MRC2: variants seen among roughly 807,000 people sequenced by gnomAD.
MRC2 encodes the protein C-type mannose receptor 2.
Under a neutral mutation model 206.2 loss-of-function variants are expected in MRC2, and 84 were observed. That is an observed-to-expected ratio of 0.41 (90% CI 0.34 to 0.49). The LOEUF is 0.49. Ranked by LOEUF, MRC2 falls within the 20% of genes least tolerant of loss-of-function variation. The pLI is 0.31. For synonymous variants in MRC2, 798 were observed against 800.0 expected, an observed-to-expected ratio of 1.00 and a Z score of 0.04; for missense variants, 1,676 against 2,001.5, an observed-to-expected ratio of 0.84 and a Z score of 3.10.
At chr17:62,685,649 C>T (rs540179411) in intron 20 of MRC2, among the ~76,000 whole-genome samples, 2 of 152,276 alleles carry the variant, frequency 1.3e-5, no homozygotes, top group Non-Finnish European at 2.9e-5. Flanking sequence ...AAGTGATCCT[C>T]CTGCCTCAGC....
Position 62,645,525 on chromosome 17 carries a change from ATATTTTTTTTTTTTTT to A in MRC2, c.118+17607_118+17622del, listed in dbSNP as rs1409272018. The stretch of plus-strand genomic sequence containing the variant: ...TATATATATATATATATATATATAT[ATATTTTTTTTTTTTTT>A]TTTTTTTTTTGAGATGGAGTCTTGC... On this transcript the variant is annotated intron_variant, in intron 1 of 29. Coordinates refer to ENST00000303375, the MANE Select transcript of MRC2 (RefSeq NM_006039.5). 2.9e-4 allele frequency among the ~76,000 whole-genome samples: 11 copies of A among 38,570 alleles called. 1 individual carries two copies. The highest frequency in any genetic ancestry group is 9.2e-4 in the African/African-American group (10 of 10,858). 25.3% of individuals were successfully genotyped at this position (38,570 alleles called of 152,430 possible).
Position 62,680,576 on chromosome 17 carries a change from C to A in MRC2, c.2473+123C>A. 5 of 1,436,452 alleles carry A rather than the reference C, an allele frequency of 3.5e-6. No homozygotes were observed. The highest frequency in any genetic ancestry group is 4.8e-6 in the Non-Finnish European group (5 of 1,044,154). The allele number at this position is 1,436,452 out of a possible 1,614,324, so 89.0% of individuals were successfully genotyped here. ...GGAGTTCCGGTCGAGAGAAGGGGGA[C>A]GGGGTTGGCTCGGACGGAGGCAGCC... On this transcript the variant is annotated intron_variant, in intron 16 of 29. Transcript: ENST00000303375. This position sits in a 1 kb window ranked among gnomAD's most constrained non-coding sequence, Gnocchi z 4.8.
At position 62,692,537 on chromosome 17, in the gene MRC2, C is replaced by A; in HGVS notation, c.*86C>A. 1 of 1,366,376 alleles carries A rather than the reference C, an allele frequency of 7.3e-7. No individual in the cohort carries two copies. The highest frequency in any genetic ancestry group is 1.0e-6 in the Non-Finnish European group (1 of 1,003,086). 84.6% of individuals were successfully genotyped at this position (1,366,376 alleles called of 1,614,324 possible). On this transcript the variant is annotated 3_prime_UTR_variant, in exon 30 of 30. Transcript: ENST00000303375. This position sits in a 1 kb window ranked among gnomAD's most constrained non-coding sequence, Gnocchi z 4.2. ...TCTGGCCCCCCACCAGCTGCCTGTC[C>A]AGTTGGCCTATGGAAGGGTGCCCTT...
chr17:62,680,028 G>C lies in MRC2; in HGVS notation c.2298+126G>C, dbSNP rs1379598915. The C allele has an allele frequency of 7.3e-6, 11 of 1,499,890 alleles. No homozygotes were observed. The highest frequency in any genetic ancestry group is 9.9e-6 in the Non-Finnish European group (11 of 1,105,796). The allele number at this position is 1,499,890 out of a possible 1,614,324, so 92.9% of individuals were successfully genotyped here. ...GGGCCCCCAGTCGGAGCCGGCTTCA[G>C]GAAAGCAGGTCCGAGAGGGGTCACC... On this transcript the variant is annotated intron_variant, in intron 14 of 29. Transcript: ENST00000303375. This position sits in a 1 kb window ranked among gnomAD's most constrained non-coding sequence, Gnocchi z 4.8.
Position 62,678,695 on chromosome 17 carries a change from G to A in MRC2, c.2195+49G>A, listed in dbSNP as rs200976401. The stretch of plus-strand genomic sequence containing the variant: ...TTAGGAGGGCACCCGCACACGTGTA[G>A]GAGCAGGCATGGCCGACAGACCCTT... On this transcript the variant is annotated intron_variant, in intron 13 of 29. Transcript: ENST00000303375. The A allele has an allele frequency of 5.7e-6, 9 of 1,582,032 alleles. No homozygotes were observed. The African/African-American group carries it at 9.7e-5, about 17-fold the overall frequency.
In MRC2 at chr17:62,680,740, C is replaced by A; in HGVS notation, c.2474-60C>A. 2.8e-6 allele frequency: 4 copies of A among 1,434,668 alleles called. No homozygotes were observed. Among genetic ancestry groups the A allele is most frequent in the Non-Finnish European group, 3.6e-6 (4 of 1,098,704 alleles). 88.9% of individuals were successfully genotyped at this position (1,434,668 alleles called of 1,614,324 possible). A position where few individuals can be genotyped will look rare whatever the true frequency, so the allele number is the denominator to read the frequency against. The stretch of plus-strand genomic sequence containing the variant: ...GCCCCGGCCCTGCCGCGCCCGCCTC[C>A]GGGGCCTGGCGTGCAGCCTCTGCCT... On this transcript the variant is annotated intron_variant, in intron 16 of 29. Transcript: ENST00000303375. This position sits in a 1 kb window ranked among gnomAD's most constrained non-coding sequence, Gnocchi z 4.8.
intron 1 of MRC2, among the ~76,000 whole-genome samples, chr17:62,636,461 A>ATTTTTTTTTTTTTTTTTTTTTTTTTT (rs60774612): frequency 1.3e-5 from 1 of 76,934 alleles, no homozygotes; most frequent in Non-Finnish European, 2.4e-5. Flanking sequence ...TAATCTTCTG[A>ATTTTTTTTTTTTTTTTTTTTTTTTTT]TTTTTTTTTT....
At chr17:62,631,910 TG>T (rs1384037421) in intron 1 of MRC2, among the ~76,000 whole-genome samples, 3 of 152,168 alleles carry the variant, frequency 2.0e-5, no homozygotes, top group Non-Finnish European at 4.4e-5. Flanking sequence ...GAGATGGCCA[TG>T]GCCTATTCTT....
chr17:62,641,876 C>T (rs1246619296), intron 1 of MRC2, among the ~76,000 whole-genome samples: 2 of 144,814 alleles, frequency 1.4e-5, no homozygotes, highest in Non-Finnish European at 3.0e-5. Flanking sequence ...CATTTTGCCA[C>T]ATTTGCTTAT....
At chr17:62,656,292 G>T (rs373614930) in intron 1 of MRC2, among the ~76,000 whole-genome samples, 1 of 151,896 alleles carries the variant, frequency 6.6e-6, no homozygotes, top group Non-Finnish European at 1.5e-5. Context: ...TGATTCACCC[G>T]CCTCGGCCTC....
At chr17:62,674,437 A>G (rs1463198364) in intron 9 of MRC2, among the ~76,000 whole-genome samples, 1 of 151,922 alleles carries the variant, frequency 6.6e-6, no homozygotes, top group East Asian at 1.9e-4. Context: ...TCCTCGAGAC[A>G]GCAGAGAACA....
Position 62,667,632 on chromosome 17 carries a change from C to A in MRC2, c.1117+99C>A, listed in dbSNP as rs1261200742. 57 of 1,359,544 alleles carry A rather than the reference C, an allele frequency of 4.2e-5. No individual in the cohort carries two copies. In the East Asian group the frequency reaches 1.5e-3, roughly 35 times the overall value. 84.2% of individuals were successfully genotyped at this position (1,359,544 alleles called of 1,614,324 possible). A position where few individuals can be genotyped will look rare whatever the true frequency, so the allele number is the denominator to read the frequency against. On this transcript the variant is annotated intron_variant, in intron 6 of 29. Transcript: ENST00000303375. This position sits in a 1 kb window ranked among gnomAD's most constrained non-coding sequence, Gnocchi z 4.1. ...GCCCAGCCTCTCCTCCGGTTACCAC[C>A]ACAGCACAAGGGGACTCTGGATCCT...
chr17:62,630,106 AG>A (rs2084204879), intron 1 of MRC2, among the ~76,000 whole-genome samples: 1 of 152,306 alleles, frequency 6.6e-6, no homozygotes, highest in East Asian at 1.9e-4. Context: ...CCTTGAGCCA[AG>A]TTCTTGGGGA....
intron 1 of MRC2, among the ~76,000 whole-genome samples, chr17:62,651,543 A>G (rs1484909648): frequency 6.6e-6 from 1 of 152,090 alleles, no homozygotes; most frequent in Non-Finnish European, 1.5e-5. Context: ...TACTTGAAAG[A>G]CCATTACCAA....
At position 62,688,390 on chromosome 17, in the gene MRC2, C is replaced by G. The variant is rs761693365; in HGVS notation, c.3048C>G (p.Asn1016Lys). 6.2e-7 allele frequency: 1 copy of G among 1,614,238 alleles called. No homozygotes were observed. Among genetic ancestry groups the G allele is most frequent in the Admixed American group, 1.7e-5 (1 of 60,034 alleles). The change falls in exon 21 of 30, where the codon AAC becomes AAG. Residue 1016 changes from asparagine to lysine, a missense_variant. Transcript: ENST00000303375. Reference protein sequence around the residue: ...QQEAQLVTITNPLEQAFITAS... With the variant: ...QQEAQLVTITKPLEQAFITAS... ...AGGCCCAGCTGGTCACCATCACAAA[C>G]CCCTTAGAGCAAGGTAGGGCCAGCC...
chr17:62,692,829 C>G lies in MRC2; in HGVS notation c.*378C>G, dbSNP rs897935866. On this transcript the variant is annotated 3_prime_UTR_variant, in exon 30 of 30. Transcript: ENST00000303375. The surrounding 1 kb of genome is among the most constrained non-coding windows in gnomAD (Gnocchi z 4.2). Reference sequence around the variant, plus strand: ...CCCCTTCTTTGCAGAGCCCGAGGAGCCTCCCCTGTCCCCTCGGGCAGATCT... The same window carrying G: ...CCCCTTCTTTGCAGAGCCCGAGGAGGCTCCCCTGTCCCCTCGGGCAGATCT... 1 of 226,586 alleles carries G rather than the reference C, an allele frequency of 4.4e-6. No homozygotes were observed. The highest frequency in any genetic ancestry group is 7.2e-5 in the South Asian group (1 of 13,958). The allele number at this position is 226,586 out of a possible 1,614,324, so 14.0% of individuals were successfully genotyped here.
At chr17:62,647,112 G>A (rs1056642457) in intron 1 of MRC2, among the ~76,000 whole-genome samples, 4 of 151,924 alleles carry the variant, frequency 2.6e-5, no homozygotes, top group Non-Finnish European at 5.9e-5. Context: ...GAATGCAAAA[G>A]CGTCTTTCTA....
Position 62,667,432 on chromosome 17 carries a change from G to A in MRC2, c.1016G>A (p.Arg339His). 3 of 1,612,402 alleles carry A rather than the reference G, an allele frequency of 1.9e-6. No homozygotes were observed. Among genetic ancestry groups the A allele is most frequent in the Non-Finnish European group, 1.7e-6 (2 of 1,179,634 alleles). The change falls in exon 6 of 30, where the codon CGC becomes CAC. Residue 339 changes from arginine (R) to histidine (H), a missense_variant. Physicochemically the swap from Arg to His is conservative, Grantham distance 29. Transcript: ENST00000303375. This position sits in a 1 kb window ranked among gnomAD's most constrained non-coding sequence, Gnocchi z 4.1. ...AGTGAGGAGAACTGTGGAGTGATCC[G>A]CACTGAGTCCTCGGGCGGCTGGCAG... Reference protein sequence around the residue: ...NPSEENCGVIRTESSGGWQNR... With the variant: ...NPSEENCGVIHTESSGGWQNR...
chr17:62,682,660 A>G (rs1281360498), intron 20 of MRC2, among the ~76,000 whole-genome samples: 4 of 135,232 alleles, frequency 3.0e-5, no homozygotes, highest in African/African-American at 2.8e-5. Flanking sequence ...TTTTTTTTTG[A>G]GAAGGAGTTT....
Sources: allele counts gnomAD v4.1 joint callset (sites outside exome capture counted in the v4.1 genomes callset), GRCh38; gene constraint gnomAD v4.1.1; non-coding constraint Gnocchi (gnomAD v3.1); transcripts MANE v1.5; gene names NCBI Gene and HGNC (gene_info 2026-07-23, HGNC 2026-07-21).